PHKA2: variants seen among roughly 807,000 people sequenced by gnomAD.
The protein encoded by PHKA2 is phosphorylase b kinase regulatory subunit alpha, liver isoform.
Under a neutral mutation model 102.0 loss-of-function variants are expected in PHKA2, and 31 were observed. That is an observed-to-expected ratio of 0.30 (90% CI 0.23 to 0.41). PHKA2 has a LOEUF of 0.41. Ranked by LOEUF, PHKA2 falls within the 10% of genes least tolerant of loss-of-function variation. The pLI is 1.00. For synonymous variants in PHKA2, 455 were observed against 416.2 expected (o/e 1.09, Z -1.13); for missense variants, 858 against 1,023.1 (o/e 0.84, Z 2.20).
At chrX:18,960,885 A>T (rs1449259913) in intron 1 of PHKA2, among the ~76,000 whole-genome samples, 2 of 112,766 alleles carry the variant, frequency 1.8e-5, no homozygotes, top group Non-Finnish European at 3.7e-5. Context: ...AGAACAGAAC[A>T]GAGTCTAGAA....
At chrX:18,921,478 A>G (rs1056387331) in intron 17 of PHKA2, among the ~76,000 whole-genome samples, 45 of 112,497 alleles carry the variant, frequency 4.0e-4, no homozygotes, top group African/African-American at 1.3e-3. Flanking sequence ...CTGTGACTCA[A>G]CTTATCAAGA....
At position 18,895,209 on chromosome X, in the gene PHKA2, C is replaced by A. The variant is rs369406715; in HGVS notation, c.3283-18G>T. On this transcript the variant is annotated intron_variant, in intron 30 of 32. Coordinates refer to ENST00000379942, the MANE Select transcript of PHKA2 (RefSeq NM_000292.3). ...CCGTGGCACTGGAGGCAGAATAGAGCGCATTTCAGTCAGATTCCAGAATGG... is the reference window on the plus strand; with the variant it reads ...CCGTGGCACTGGAGGCAGAATAGAGAGCATTTCAGTCAGATTCCAGAATGG... 8.3e-7 allele frequency: 1 copy of A among 1,203,015 alleles called. No homozygotes were observed. The highest frequency in any genetic ancestry group is 1.8e-5 in the South Asian group (1 of 56,775).
chrX:18,940,135 A>T lies in PHKA2; in HGVS notation c.865-87T>A, dbSNP rs969364573. The T allele has an allele frequency of 2.1e-5, 13 of 613,759 alleles. No individual in the cohort carries two copies. The South Asian group carries it at 2.7e-4, about 13-fold the overall frequency. 50.6% of individuals were successfully genotyped at this position (613,759 alleles called of 1,213,427 possible). ...CAGCCCTGCACCCTCTTTCCCATGA[A>T]TCTTTTAGTAATGAATTTTATACCA... On this transcript the variant is annotated intron_variant, in intron 8 of 32. Coordinates refer to ENST00000379942, the MANE Select transcript of PHKA2 (RefSeq NM_000292.3).
intron 1 of PHKA2, among the ~76,000 whole-genome samples, chrX:18,980,154 C>T (rs768171139): frequency 2.7e-4 from 31 of 112,890 alleles, no homozygotes; most frequent in Middle Eastern, 4.6e-3. Flanking sequence ...TCTCGATAAA[C>T]CAGGGGCACA....
intron 1 of PHKA2, among the ~76,000 whole-genome samples, chrX:18,957,993 C>T (rs995232572): frequency 9.2e-6 from 1 of 109,255 alleles, no homozygotes; most frequent in Non-Finnish European, 1.9e-5. Context: ...CAGAGTAGCT[C>T]GGATTACAGG....
intron 29 of PHKA2, 115 bp downstream of exon 29, chrX:18,899,058 C>T (rs765085645): frequency 9.4e-6 from 6 of 641,454 alleles, no homozygotes; most frequent in South Asian, 2.3e-5. Context: ...GTGAGCATCC[C>T]GCTGAAAACA....
intron 1 of PHKA2, among the ~76,000 whole-genome samples, chrX:18,979,419 T>C (rs7876926): frequency 0.033 from 3,746 of 111,903 alleles, 175 homozygotes; most frequent in African/African-American, 0.12. Context: ...AACACTGCCT[T>C]GACCATTGTT....
rs368123691 is a variant in PHKA2, at chrX:18,910,937, T to C, written c.2161A>G (p.Lys721Glu). ...VPFVPMTLPTKVLSAHRKSLN... is the reference protein window; with the variant it reads ...VPFVPMTLPTEVLSAHRKSLN... ...GATTTACGGTGGGCACTTAGAACTT[T>C]AGTCGGCAAAGTCATGGGAACAACT... The change falls in exon 20 of 33, where the codon AAA becomes GAA. Residue 721 changes from lysine to glutamate, a missense_variant. By Grantham distance (56) the Lys-to-Glu change is moderately conservative. This residue lies in a region of PHKA2 where 671 missense variants were observed against 745.2 expected (regional missense o/e 0.90). Transcript: ENST00000379942. The C allele has an allele frequency of 3.3e-5, 39 of 1,185,742 alleles. No homozygotes were observed. The highest frequency in any genetic ancestry group is 6.1e-5 in the East Asian group (2 of 33,039).
intron 1 of PHKA2, among the ~76,000 whole-genome samples, chrX:18,979,830 A>G (rs1346770630): frequency 3.6e-5 from 4 of 110,999 alleles, no homozygotes; most frequent in Non-Finnish European, 7.6e-5. Flanking sequence ...AATTAATTTA[A>G]TAATTTCAGC....
chrX:18,983,865 A>G lies in PHKA2; in HGVS notation c.68T>C (p.Leu23Pro). ...GCGGTCCCTCCTTACCTGGTAACAC[A>G]GGATGGTTTGCTGCACCAGCCGCGC... ...GYARLVQQTILCYQNPVTGLL... is the reference protein window; with the variant it reads ...GYARLVQQTIPCYQNPVTGLL... Residue 23 changes from leucine to proline, a missense_variant, in exon 1 of 33, where the codon CTG becomes CCG. By Grantham distance (98) the Leu-to-Pro change is moderately conservative (BLOSUM62 -3). Transcript: ENST00000379942. 8.3e-7 allele frequency: 1 copy of G among 1,210,264 alleles called. No individual in the cohort carries two copies. The highest frequency in any genetic ancestry group is 1.1e-6 in the Non-Finnish European group (1 of 893,753).
intron 1 of PHKA2, among the ~76,000 whole-genome samples, chrX:18,966,082 TTTTTTTTTTG>T (rs1230325726): frequency 2.1e-5 from 2 of 93,100 alleles, no homozygotes; most frequent in African/African-American, 8.6e-5. Context: ...GGCTCTTTTG[TTTTTTTTTTG>T]TTTTTTTTTT....
intron 15 of PHKA2, among the ~76,000 whole-genome samples, chrX:18,924,925 T>C (rs989802133): frequency 3.1e-4 from 35 of 112,342 alleles, no homozygotes; most frequent in African/African-American, 1.0e-3. Flanking sequence ...GTTTACCTGA[T>C]TGATGGCTTT....
chrX:18,954,803 A>G (rs1056736935), intron 1 of PHKA2, among the ~76,000 whole-genome samples: 2 of 112,373 alleles, frequency 1.8e-5, no homozygotes, highest in Non-Finnish European at 3.8e-5. Context: ...GTCCGCACTA[A>G]TAGGTAAAGC....
chrX:18,901,698 G>A (rs184206870), intron 26 of PHKA2, 95 bp from the exon 27 acceptor site: 10 of 581,818 alleles, frequency 1.7e-5, no homozygotes, highest in African/African-American at 9.0e-5. Flanking sequence ...GACAATGAGG[G>A]CCTTCTCTGC....
intron 1 of PHKA2, among the ~76,000 whole-genome samples, chrX:18,964,679 C>T (rs1209173021): frequency 8.9e-6 from 1 of 112,235 alleles, no homozygotes; most frequent in East Asian, 2.8e-4. Context: ...TGCTTTACAC[C>T]TGAGATGTGT....
Position 18,954,247 on chromosome X carries a change from C to T in PHKA2, c.237+7G>A, listed in dbSNP as rs755771353. 3.3e-6 allele frequency: 4 copies of T among 1,209,406 alleles called. No homozygotes were observed. The South Asian group carries it at 5.3e-5, about 16-fold the overall frequency. On this transcript the variant is annotated splice_region_variant and intron_variant, in intron 2 of 32. Transcript: ENST00000379942. ...GCAGCCGAGATACAGCTGTCAGTCA[C>T]TATTACCTGCTCCAGCTCGTAGGCC...
At chrX:18,941,835 A>G (rs2048494611) in intron 7 of PHKA2, among the ~76,000 whole-genome samples, 160 bp from the exon 8 acceptor site, 1 of 112,950 alleles carries the variant, frequency 8.9e-6, no homozygotes, top group Non-Finnish European at 1.9e-5. Context: ...AACACTGTAT[A>G]TCCAGCCAAT....
intron 1 of PHKA2, among the ~76,000 whole-genome samples, chrX:18,967,634 A>G (rs2048963344): frequency 9.3e-6 from 1 of 107,456 alleles, no homozygotes; most frequent in African/African-American, 3.4e-5. Flanking sequence ...TTCTAGGAGG[A>G]ATCAAAGCTG....
intron 1 of PHKA2, among the ~76,000 whole-genome samples, chrX:18,977,690 CA>C (rs200407625): frequency 0.014 from 1,473 of 108,233 alleles, 20 homozygotes; most frequent in African/African-American, 0.047. Context: ...ATTTCAAAGT[CA>C]AAAAAAAAAT....
Sources: gnomAD v4.1 joint callset for allele counts (sites outside exome capture counted in the v4.1 genomes callset) on GRCh38, gnomAD v4.1.1 for gene constraint, gnomAD v4.1.1 regional missense constraint, MANE v1.5 for transcripts, NCBI Gene and HGNC (gene_info 2026-07-23, HGNC 2026-07-21) for gene names.